The following DDB1 variants were observed in gnomAD, a reference collection of about 807,000 sequenced individuals.
DDB1 encodes the protein DNA damage-binding protein 1.
DDB1 carries 18 observed loss-of-function variants against 133.1 expected under a neutral mutation model. That is an observed-to-expected ratio of 0.14 (90% CI 0.09 to 0.20). The LOEUF is 0.20. Among genes scored for constraint, DDB1 ranks in the 10% least tolerant of loss-of-function variants. The pLI, the probability that DDB1 is intolerant of heterozygous loss-of-function variation, is 1.00. For missense variants in DDB1, 828 were observed against 1,459.2 expected, an observed-to-expected ratio of 0.57 and a Z score of 7.05; for synonymous variants, 580 against 550.5, an observed-to-expected ratio of 1.05 and a Z score of -0.75.
rs554091908 is a variant in DDB1 at position 61,324,538 on chromosome 11, T to C, written c.763-401A>G. ...CTACCACAGATTTTGTTCTTTTTTT[T>C]AAAGACAGGGTCTTTCTATGTCACC... On this transcript the variant is annotated intron_variant, in intron 6 of 26. Transcript: ENST00000301764. 5.3e-5 allele frequency among the ~76,000 whole-genome samples: 8 copies of C among 152,276 alleles called. No individual in the cohort carries two copies. The South Asian group carries it at 1.7e-3, about 32-fold the overall frequency.
At chr11:61,315,724 C>T (rs909845691) in intron 12 of DDB1, 1 of 152,600 alleles carries the variant, frequency 6.6e-6, no homozygotes, top group African/African-American at 2.4e-5. Flanking sequence ...GGAAGGGTGT[C>T]AGAAATGAGG....
intron 10 of DDB1, among the ~76,000 whole-genome samples, chr11:61,316,861 C>A (rs1198010475): frequency 1.4e-5 from 2 of 140,082 alleles, no homozygotes; most frequent in African/African-American, 5.3e-5. Flanking sequence ...GAGAAAGAGG[C>A]TGCAGCTATG....
At chr11:61,310,048 G>A (rs58028455) in intron 19 of DDB1, 88 bp from the exon 20 acceptor site, 1 of 1,565,304 alleles carries the variant, frequency 6.4e-7, no homozygotes, top group Non-Finnish European at 8.8e-7. Context: ...CTGTGGCTTA[G>A]GCAGTGACAA....
chr11:61,312,172 G>T, intron 16 of DDB1, 88 bp from the exon 17 acceptor site: 1 of 1,165,938 alleles, frequency 8.6e-7, no homozygotes, highest in Non-Finnish European at 1.3e-6. Flanking sequence ...GAAAAACAAG[G>T]CAGGATTACA....
Position 61,314,140 on chromosome 11 carries a change from G to C in DDB1, c.1660C>G (p.Pro554Ala). The change falls in exon 14 of 27, where the codon CCT (proline) becomes GCT (alanine). Residue 554 changes from proline (P) to alanine (A), a missense_variant. Physicochemically the swap from Pro to Ala is conservative, Grantham distance 27. Transcript: ENST00000301764. ...GTCCAGAGGCCAATGGCACAAAGAGGGGACAGTCCATTGCTGTCTCCTAAT... is the reference window on the plus strand; with the variant it reads ...GTCCAGAGGCCAATGGCACAAAGAGCGGACAGTCCATTGCTGTCTCCTAAT... ...TPLGDSNGLS[P>A]LCAIGLWTDI... 6.2e-7 allele frequency: 1 copy of C among 1,614,042 alleles called. No individual in the cohort carries two copies. Among genetic ancestry groups the C allele is most frequent in the Non-Finnish European group, 8.5e-7 (1 of 1,179,982 alleles).
chr11:61,325,078 G>A (rs1337594302), intron 6 of DDB1, among the ~76,000 whole-genome samples: 10 of 152,156 alleles, frequency 6.6e-5, no homozygotes, highest in Non-Finnish European at 1.5e-4. Context: ...AACCTGGGAG[G>A]CGGAGGTTGC....
At chr11:61,329,648 G>A (rs1298298819) in intron 3 of DDB1, 64 bp from the exon 4 acceptor site, 5 of 1,481,826 alleles carry the variant, frequency 3.4e-6, no homozygotes, top group Non-Finnish European at 4.6e-6. Flanking sequence ...AGGACGCTGG[G>A]CACCACTTGT....
chr11:61,323,684 G>T, intron 7 of DDB1: 1 of 344,078 alleles, frequency 2.9e-6, no homozygotes, highest in Non-Finnish European at 5.5e-6. Context: ...AAAGTGCTGG[G>T]ATCACAGGTG....
chr11:61,328,358 G>A lies in DDB1; in HGVS notation c.549+1005C>T, dbSNP rs574190009. Among the ~76,000 whole-genome samples, 15 of 152,274 alleles carry A rather than the reference G, an allele frequency of 9.9e-5. No homozygotes were observed. In the East Asian group the frequency reaches 1.7e-3, roughly 18 times the overall value. On this transcript the variant is annotated intron_variant, in intron 4 of 26. Transcript: ENST00000301764. ...GTTTATGTGCCAACACACTCTATGT[G>A]GAACTGGACTATCATTTCCTTCCAT... is the stretch of plus-strand genomic sequence containing the variant.
chr11:61,316,946 GATATATATATATATATATATATATAT>G lies in DDB1; in HGVS notation c.1226-405_1226-380del, dbSNP rs58564398. ...AAAAAAAAAAAAAAAAAAAAGGATAGATATATATATATATATATATATATATATATATATATATATATATATATATA... is the reference window on the plus strand; with the variant it reads ...AAAAAAAAAAAAAAAAAAAAGGATAGATATATATATATATATATATATATA... On this transcript the variant is annotated intron_variant, in intron 10 of 26. Transcript: ENST00000301764. Among the ~76,000 whole-genome samples the G allele has an allele frequency of 7.0e-3, 205 of 29,086 alleles. 7 individuals are homozygous for G. The highest frequency in any genetic ancestry group is 0.015 in the East Asian group (6 of 410). The allele number at this position is 29,086 out of a possible 152,430, so 19.1% of individuals were successfully genotyped here.
intron 21 of DDB1, among the ~76,000 whole-genome samples, chr11:61,304,947 AACC>A (rs1448451067): frequency 2.0e-5 from 3 of 152,162 alleles, no homozygotes; most frequent in Non-Finnish European, 4.4e-5. Context: ...CTTCAATTAC[AACC>A]ACATCTCCAA....
At chr11:61,322,100 G>C (rs1169533582) in intron 9 of DDB1, 196 bp downstream of exon 9, 10 of 607,442 alleles carry the variant, frequency 1.6e-5, no homozygotes, top group South Asian at 1.5e-4. Context: ...TGTGTAATTA[G>C]AGATAATGTA....
intron 4 of DDB1, among the ~76,000 whole-genome samples, chr11:61,328,826 G>A (rs1856315369): frequency 6.6e-6 from 1 of 151,966 alleles, no homozygotes; most frequent in Non-Finnish European, 1.5e-5. Context: ...GCCAAGATCA[G>A]GCCATCGCAC....
At chr11:61,303,621 G>T (rs746412448) in intron 22 of DDB1, among the ~76,000 whole-genome samples, 1 of 147,792 alleles carries the variant, frequency 6.8e-6, no homozygotes, top group Non-Finnish European at 1.5e-5. Context: ...GGAGAATGGC[G>T]TGAACCTGGG....
At chr11:61,328,626 A>T (rs1397267967) in intron 4 of DDB1, among the ~76,000 whole-genome samples, 4 of 152,192 alleles carry the variant, frequency 2.6e-5, no homozygotes. Context: ...AAATCTCAGC[A>T]CTTTGGGAGG....
Position 61,300,120 on chromosome 11 carries a change from G to A in DDB1, c.*16C>T, listed in dbSNP as rs754870308. 25 of 1,613,624 alleles carry A rather than the reference G, an allele frequency of 1.5e-5. No homozygotes were observed. The highest frequency in any genetic ancestry group is 1.9e-5 in the Non-Finnish European group (23 of 1,179,934). On this transcript the variant is annotated 3_prime_UTR_variant, in exon 27 of 27. Transcript: ENST00000301764. Reference sequence around the variant, plus strand: ...AGCCTTTGGGGAGGGTCAGCAAAGGGGCCCCCTGCCCTTGGCTAATGGATC... The same window carrying A: ...AGCCTTTGGGGAGGGTCAGCAAAGGAGCCCCCTGCCCTTGGCTAATGGATC...
chr11:61,310,222 C>T (rs1855941893), intron 19 of DDB1, 73 bp downstream of exon 19: 2 of 1,549,072 alleles, frequency 1.3e-6, no homozygotes. Flanking sequence ...TCAGGCTTTG[C>T]AGGTACCAGA....
rs573277563 is a variant in DDB1, at chr11:61,321,757, A to C, written c.1123-60T>G. 9 of 1,451,088 alleles carry C rather than the reference A, an allele frequency of 6.2e-6. No homozygotes were observed. In the African/African-American group the frequency reaches 1.3e-4, roughly 20 times the overall value. 89.9% of individuals were successfully genotyped at this position (1,451,088 alleles called of 1,614,324 possible). ...TCAAGATACTGGGCCAGTCATACTG[A>C]TGCCCAGAAAGTAAACACGGTATAC... On this transcript the variant is annotated intron_variant, in intron 9 of 26. Coordinates refer to ENST00000301764, the MANE Select transcript of DDB1 (RefSeq NM_001923.5).
At position 61,320,207 on chromosome 11, in the gene DDB1, C is replaced by CT. The variant is rs200495883; in HGVS notation, c.1225+1387dup. ...TCATATACTTCTCTTTTCTTTTTTT[C>CT]TTTTTTTTTTTGAGATGGAGTCTCA... On this transcript the variant is annotated intron_variant, in intron 10 of 26. Coordinates refer to ENST00000301764, the MANE Select transcript of DDB1 (RefSeq NM_001923.5). Among the ~76,000 whole-genome samples the CT allele has an allele frequency of 0.014, 1,991 of 144,412 alleles. 65 individuals carry two copies. In the East Asian group the frequency reaches 0.15, roughly 11 times the overall value. 94.7% of individuals were successfully genotyped at this position (144,412 alleles called of 152,430 possible). A position where few individuals can be genotyped will look rare whatever the true frequency, so the allele number is the denominator to read the frequency against.
Sources: allele counts gnomAD v4.1 joint callset (sites outside exome capture counted in the v4.1 genomes callset), GRCh38; gene constraint gnomAD v4.1.1; transcripts MANE v1.5; gene names NCBI Gene and HGNC (gene_info 2026-07-23, HGNC 2026-07-21).